DAB1: variants seen among roughly 807,000 people sequenced by gnomAD.
DAB1 encodes the protein disabled homolog 1.
In DAB1, 15 loss-of-function variants were observed where a neutral mutation model predicts 64.6. The observed-to-expected ratio is 0.23, with a 90% CI of 0.16 to 0.36. DAB1 has a LOEUF of 0.36. DAB1 is among the 10% of genes least tolerant of loss of function. The pLI is 1.00. For missense variants in DAB1, 596 were observed against 706.7 expected (o/e 0.84, Z 1.78); for synonymous variants, 235 against 251.9 (o/e 0.93, Z 0.64).
At chr1:58,536,608 T>A in intron 1 of DAB1, 1 of 872,790 alleles carries the variant, frequency 1.1e-6, no homozygotes, top group Non-Finnish European at 2.0e-6. Flanking sequence ...TCCAGGTGAG[T>A]AAAATAAAAC....
intron 5 of DAB1, among the ~76,000 whole-genome samples, chr1:57,908,785 T>C (rs1644596875): frequency 6.6e-6 from 1 of 152,206 alleles, no homozygotes; most frequent in Non-Finnish European, 1.5e-5. Flanking sequence ...GCCCTGGGCT[T>C]CTGTGGTGAA....
Position 57,889,899 on chromosome 1 carries a change from CGG to C in DAB1, n.388-5739_388-5738del, listed in dbSNP as rs68120488. ...TCGCAGATGGTAGCACAAACTGGGG[CGG>C]GGGGGGGGGAGGGGGAAGAAATCAC... On this transcript the variant is annotated intron_variant and non_coding_transcript_variant, in intron 5 of 20. Coordinates refer to the DAB1 transcript ENST00000485760. Among the ~76,000 whole-genome samples, 572 of 74,308 alleles carry C rather than the reference CGG, an allele frequency of 7.7e-3. 3 individuals carry two copies. The highest frequency in any genetic ancestry group is 0.014 in the Middle Eastern group (2 of 138). The allele number at this position is 74,308 out of a possible 152,430, so 48.7% of individuals were successfully genotyped here.
At chr1:57,274,801 C>T (rs1310324916) in intron 2 of DAB1, among the ~76,000 whole-genome samples, 2 of 151,916 alleles carry the variant, frequency 1.3e-5, no homozygotes, top group Non-Finnish European at 2.9e-5. Flanking sequence ...AGGCTGGTCT[C>T]GAGCTCCTGA....
At chr1:57,674,186 A>G (rs1408458555) in intron 6 of DAB1, among the ~76,000 whole-genome samples, 3 of 152,170 alleles carry the variant, frequency 2.0e-5, no homozygotes, top group Admixed American at 1.3e-4. Context: ...ATTCTGTCTC[A>G]AGTATTCATG....
At chr1:58,366,356 C>T (rs12040884) in intron 3 of DAB1, among the ~76,000 whole-genome samples, 16,321 of 152,218 alleles carry the variant, frequency 0.11, 942 homozygotes, top group Middle Eastern at 0.17. Context: ...GGGCCAGTGA[C>T]TAAGGGATCC....
intron 5 of DAB1, among the ~76,000 whole-genome samples, chr1:58,098,731 C>T (rs978831360): frequency 1.3e-5 from 2 of 152,130 alleles, no homozygotes; most frequent in South Asian, 4.1e-4. Context: ...CAGACACAAA[C>T]ATGTACAGAA....
chr1:57,232,408 T>G (rs1667751169), intron 2 of DAB1, among the ~76,000 whole-genome samples: 1 of 151,942 alleles, frequency 6.6e-6, no homozygotes, highest in South Asian at 2.1e-4. Flanking sequence ...AATCAGTCAT[T>G]TATTCAACAT....
intron 2 of DAB1, among the ~76,000 whole-genome samples, chr1:57,273,224 T>C (rs1186586867): frequency 1.3e-5 from 2 of 152,216 alleles, no homozygotes; most frequent in Non-Finnish European, 2.9e-5. Flanking sequence ...GAGTATCCAT[T>C]TGTTTTAATG....
chr1:57,011,005 C>G (rs1178113805), intron 13 of DAB1, 140 bp downstream of exon 13: 1 of 1,148,386 alleles, frequency 8.7e-7, no homozygotes, highest in East Asian at 2.4e-5. Context: ...AAAAGAAAGC[C>G]CCTTTAGCAA....
At position 57,015,129 on chromosome 1, in the gene DAB1, T is replaced by C. The variant is rs750444436; in HGVS notation, c.1198A>G (p.Ser400Gly). Residue 400 changes from serine to glycine, a missense_variant, in exon 12 of 15, where the codon AGT (serine) becomes GGT (glycine). By Grantham distance (56) the Ser-to-Gly change is moderately conservative. Coordinates refer to ENST00000371236, the MANE Select transcript of DAB1 (RefSeq NM_001365792.1). ...VPGTSDSTRSSPQTDKPRQKM... is the reference protein window; with the variant it reads ...VPGTSDSTRSGPQTDKPRQKM... ...TGCCTGGGCTTGTCGGTCTGTGGACTTGACCTGGTGGAGTCACTCGTGCCT... is the reference window on the plus strand; with the variant it reads ...TGCCTGGGCTTGTCGGTCTGTGGACCTGACCTGGTGGAGTCACTCGTGCCT... The C allele has an allele frequency of 6.2e-7, 1 of 1,614,206 alleles. No homozygotes were observed. The highest frequency in any genetic ancestry group is 8.5e-7 in the Non-Finnish European group (1 of 1,180,036).
intron 6 of DAB1, among the ~76,000 whole-genome samples, chr1:57,796,884 G>C (rs112742044): frequency 6.6e-6 from 1 of 152,060 alleles, no homozygotes; most frequent in Non-Finnish European, 1.5e-5. Context: ...TCCTGCATCC[G>C]GTTCACTGAC....
At chr1:57,395,893 C>A (rs2101016432) in intron 1 of DAB1, among the ~76,000 whole-genome samples, 1 of 152,330 alleles carries the variant, frequency 6.6e-6, no homozygotes, top group Non-Finnish European at 1.5e-5. Context: ...CTATCAACCT[C>A]CGATTTTACC....
chr1:58,187,099 G>T (rs1414048291), intron 4 of DAB1, among the ~76,000 whole-genome samples: 1 of 152,122 alleles, frequency 6.6e-6, no homozygotes, highest in Non-Finnish European at 1.5e-5. Context: ...GAAGCTCAAA[G>T]AGATTAAATA....
chr1:58,488,726 A>C (rs1000997792), intron 3 of DAB1, among the ~76,000 whole-genome samples: 43 of 152,352 alleles, frequency 2.8e-4, no homozygotes, highest in African/African-American at 9.6e-4. Context: ...CTGGGATTAC[A>C]GGCGTGAGCC....
chr1:58,527,502 T>C (rs1646371255), intron 1 of DAB1, among the ~76,000 whole-genome samples: 1 of 152,186 alleles, frequency 6.6e-6, no homozygotes, highest in Non-Finnish European at 1.5e-5. Context: ...AAACACAGCC[T>C]TTATTTCCCT....
In DAB1 at chr1:57,319,671, G is replaced by A. The variant is rs573922402; in HGVS notation, c.-136-28505C>T. 3.3e-5 allele frequency among the ~76,000 whole-genome samples: 5 copies of A among 152,100 alleles called. No individual in the cohort carries two copies. The South Asian group carries it at 1.0e-3, about 32-fold the overall frequency. On this transcript the variant is annotated intron_variant, in intron 1 of 14. Transcript: ENST00000371236. Reference sequence around the variant, plus strand: ...CTTGCCCACTTTCCTCAGAGATTTTGAAAAAGCCAGATACTTGCTTTCTTG... The same window carrying A: ...CTTGCCCACTTTCCTCAGAGATTTTAAAAAAGCCAGATACTTGCTTTCTTG...
intron 2 of DAB1, among the ~76,000 whole-genome samples, chr1:57,187,344 AC>A (rs1416653439): frequency 6.6e-6 from 1 of 152,206 alleles, no homozygotes; most frequent in Non-Finnish European, 1.5e-5. Flanking sequence ...TATTATGTAG[AC>A]ATCTTTATAA....
intron 3 of DAB1, among the ~76,000 whole-genome samples, chr1:58,471,050 G>T (rs1645352085): frequency 6.6e-6 from 1 of 152,110 alleles, no homozygotes; most frequent in South Asian, 2.1e-4. Context: ...TTTATCAGTA[G>T]GAATACTTTT....
intron 3 of DAB1, among the ~76,000 whole-genome samples, chr1:58,486,797 T>C (rs1320160467): frequency 1.3e-5 from 2 of 152,144 alleles, no homozygotes; most frequent in Non-Finnish European, 2.9e-5. Context: ...GAAGAATGTT[T>C]CAGACAGAGA....
Sources: allele counts gnomAD v4.1 joint callset (sites outside exome capture counted in the v4.1 genomes callset), GRCh38; gene constraint gnomAD v4.1.1; transcripts MANE v1.5; gene names NCBI Gene and HGNC (gene_info 2026-07-23, HGNC 2026-07-21).